The following PDE8A variants were observed in gnomAD, a reference collection of about 807,000 sequenced individuals.
The protein encoded by PDE8A is phosphodiesterase 8A.
PDE8A carries 59 observed loss-of-function variants against 105.0 expected under a neutral mutation model. The observed-to-expected ratio is 0.56, with a 90% CI of 0.46 to 0.70. The LOEUF is 0.70. Ranked by LOEUF, PDE8A falls within the 30% of genes least tolerant of loss-of-function variation. The pLI is 0.00. For missense variants in PDE8A, 1,014 were observed against 1,045.9 expected, an observed-to-expected ratio of 0.97 and a Z score of 0.42; for synonymous variants, 355 against 371.9, an observed-to-expected ratio of 0.95 and a Z score of 0.52.
At chr15:85,048,341 T>C (rs2080919304) in intron 1 of PDE8A, among the ~76,000 whole-genome samples, 1 of 152,184 alleles carries the variant, frequency 6.6e-6, no homozygotes, top group Non-Finnish European at 1.5e-5. Flanking sequence ...ATATTTTCTT[T>C]CTTTCCATTC....
intron 1 of PDE8A, among the ~76,000 whole-genome samples, chr15:85,060,402 G>A (rs2081125230): frequency 6.6e-6 from 1 of 152,086 alleles, no homozygotes; most frequent in African/African-American, 2.4e-5. Context: ...CCACGTCCAT[G>A]GATTCAGCCA....
At chr15:85,116,307 G>A in intron 16 of PDE8A, 188 bp downstream of exon 16, 1 of 564,212 alleles carries the variant, frequency 1.8e-6, no homozygotes, top group South Asian at 2.5e-5. Context: ...TGGCCACAGT[G>A]ATGGCACATT....
chr15:85,123,378 A>ACACG (rs1212501490), intron 19 of PDE8A, among the ~76,000 whole-genome samples, 185 bp downstream of exon 19: 1 of 136,546 alleles, frequency 7.3e-6, no homozygotes, highest in Non-Finnish European at 1.6e-5. Flanking sequence ...ACACACACAC[A>ACACG]CACACACAAA....
At position 85,113,379 on chromosome 15, in the gene PDE8A, T is replaced by A. The variant is rs750903696; in HGVS notation, c.1117T>A (p.Ser373Thr). Residue 373 changes from serine (S) to threonine (T), a missense_variant and splice_region_variant, in exon 13 of 22, where the codon TCC becomes ACC. Transcript: ENST00000394553. ...KAVASRATEVSSQRRHSSMAR... is the reference protein window; with the variant it reads ...KAVASRATEVTSQRRHSSMAR... ...TTTGTGCATCCCTTTCTCCACAGTT[T>A]CCAGCCAGAGACGACACTCTTCCAT... 2 of 1,613,924 alleles carry A rather than the reference T, an allele frequency of 1.2e-6. No homozygotes were observed. The highest frequency in any genetic ancestry group is 1.7e-6 in the Non-Finnish European group (2 of 1,179,922).
chr15:85,091,050 A>C lies in PDE8A; in HGVS notation c.721A>C (p.Asn241His). The change falls in exon 8 of 22, where the codon AAT becomes CAT. Residue 241 changes from asparagine (N) to histidine (H), a missense_variant. By Grantham distance (68) the Asn-to-His change is moderately conservative. Coordinates refer to ENST00000394553, the MANE Select transcript of PDE8A (RefSeq NM_002605.3). The stretch of plus-strand genomic sequence containing the variant: ...TTCTTTTGTCTCCCTTCAGTATGCA[A>C]ATCCTGCATTTGAAACAACAATGGG... ...TSEDRFIQYANPAFETTMGYQ... is the reference protein window; with the variant it reads ...TSEDRFIQYAHPAFETTMGYQ... 3.7e-6 allele frequency: 6 copies of C among 1,607,608 alleles called. No individual in the cohort carries two copies. The highest frequency in any genetic ancestry group is 1.1e-5 in the South Asian group (1 of 90,486).
intron 6 of PDE8A, among the ~76,000 whole-genome samples, chr15:85,086,703 G>C (rs1596503718): frequency 6.6e-6 from 1 of 152,092 alleles, no homozygotes; most frequent in Admixed American, 6.6e-5. Context: ...CGCCAAGCTT[G>C]TTATATTGGA....
intron 17 of PDE8A, among the ~76,000 whole-genome samples, chr15:85,119,371 G>GGCAGGAGAATCACTTGAAC (rs2082144243): frequency 1.3e-5 from 2 of 149,274 alleles, no homozygotes; most frequent in Admixed American, 6.8e-5. Context: ...GAGAGGCTGA[G>GGCAGGAGAATCACTTGAAC]GCAGGAGAAT....
intron 5 of PDE8A, among the ~76,000 whole-genome samples, chr15:85,080,559 G>A (rs2081448024): frequency 6.6e-6 from 1 of 152,176 alleles, no homozygotes; most frequent in South Asian, 2.1e-4. Context: ...GCTTGTGTTT[G>A]TTTGAGGTCT....
At chr15:85,093,924 A>T (rs1209070130) in intron 8 of PDE8A, among the ~76,000 whole-genome samples, 2 of 151,640 alleles carry the variant, frequency 1.3e-5, no homozygotes, top group Non-Finnish European at 2.9e-5. Context: ...CGGTGGCACG[A>T]TCTTGGCTCA....
chr15:85,054,759 C>G (rs1370570411), intron 1 of PDE8A, among the ~76,000 whole-genome samples: 1 of 152,170 alleles, frequency 6.6e-6, no homozygotes, highest in African/African-American at 2.4e-5. Context: ...TTCAAACAAC[C>G]AGCTCCTGGA....
At chr15:85,108,314 G>A (rs912762822) in intron 11 of PDE8A, among the ~76,000 whole-genome samples, 2 of 152,214 alleles carry the variant, frequency 1.3e-5, no homozygotes, top group African/African-American at 4.8e-5. Context: ...CTCCATGGCT[G>A]TGGGAAGAGC....
At position 85,109,104 on chromosome 15, in the gene PDE8A, A is replaced by G. The variant is rs867762915; in HGVS notation, c.1088A>G (p.Lys363Arg). 3.7e-6 allele frequency: 6 copies of G among 1,611,866 alleles called. No homozygotes were observed. The highest frequency in any genetic ancestry group is 5.1e-6 in the Non-Finnish European group (6 of 1,178,416). The change falls in exon 12 of 22, where the codon AAA becomes AGA. Residue 363 changes from lysine to arginine, a missense_variant. Transcript: ENST00000394553. ...KDRRKGSLDV[K>R]AVASRATEVS... ...AGGAGAAAAGGCTCACTAGACGTCA[A>G]AGCTGTTGCCTCCCGTGCAACTGAA...
chr15:85,086,701 T>G (rs1364876667), intron 6 of PDE8A, among the ~76,000 whole-genome samples: 1 of 152,212 alleles, frequency 6.6e-6, no homozygotes, highest in Non-Finnish European at 1.5e-5. Context: ...TCCGCCAAGC[T>G]TGTTATATTG....
intron 1 of PDE8A, among the ~76,000 whole-genome samples, chr15:85,017,178 G>A (rs1050463842): frequency 2.0e-5 from 3 of 151,238 alleles, no homozygotes; most frequent in African/African-American, 4.9e-5. Flanking sequence ...GGAGAATGGC[G>A]TGAACCCGGG....
intron 11 of PDE8A, among the ~76,000 whole-genome samples, chr15:85,108,153 A>C (rs1177694730): frequency 6.6e-6 from 1 of 152,146 alleles, no homozygotes; most frequent in Non-Finnish European, 1.5e-5. Context: ...CACAGAGAAG[A>C]GGATTTAGTT....
intron 1 of PDE8A, among the ~76,000 whole-genome samples, chr15:84,988,571 C>G (rs2079839347): frequency 6.6e-6 from 1 of 152,210 alleles, no homozygotes. Flanking sequence ...TTCTCCTGCT[C>G]AGGTTTCAGG....
At chr15:85,044,639 C>A (rs1460507876) in intron 1 of PDE8A, among the ~76,000 whole-genome samples, 1 of 152,178 alleles carries the variant, frequency 6.6e-6, no homozygotes, top group African/African-American at 2.4e-5. Context: ...ATCAGCAAGT[C>A]CTGATCACTC....
intron 20 of PDE8A, among the ~76,000 whole-genome samples, chr15:85,128,350 A>AT (rs1446620373): frequency 2.0e-5 from 3 of 152,020 alleles, no homozygotes; most frequent in Admixed American, 6.6e-5. Context: ...AGAAAAAAAA[A>AT]TTTTTTTAAT....
At position 84,982,343 on chromosome 15, in the gene PDE8A, A is replaced by C; in HGVS notation, c.181A>C (p.Lys61Gln). ...GTCGGAGCTTCGCGACGGCAGCGGC[A>C]AGAAGGTAAGGGGCGCCGGGCACTC... ...LESELRDGSG[K>Q]KVAVADVQFG... The change falls in exon 1 of 22, where the codon AAG becomes CAG. Residue 61 changes from lysine (K) to glutamine (Q), a missense_variant. Coordinates refer to ENST00000394553, the MANE Select transcript of PDE8A (RefSeq NM_002605.3). 1.8e-5 allele frequency: 24 copies of C among 1,327,334 alleles called. No homozygotes were observed. Among genetic ancestry groups the C allele is most frequent in the Non-Finnish European group, 2.3e-5 (24 of 1,042,138 alleles). The allele number at this position is 1,327,334 out of a possible 1,614,324, so 82.2% of individuals were successfully genotyped here. A position where few individuals can be genotyped will look rare whatever the true frequency, so the allele number is the denominator to read the frequency against.
Sources: gnomAD v4.1 joint callset for allele counts (sites outside exome capture counted in the v4.1 genomes callset) on GRCh38, gnomAD v4.1.1 for gene constraint, MANE v1.5 for transcripts, NCBI Gene and HGNC (gene_info 2026-07-23, HGNC 2026-07-21) for gene names.